ANKRD36C: variants seen among roughly 807,000 people sequenced by gnomAD.
ANKRD36C encodes ankyrin repeat domain 36C.
Under a neutral mutation model 276.4 loss-of-function variants are expected in ANKRD36C, and 61 were observed. The observed-to-expected ratio is 0.22, with a 90% CI of 0.18 to 0.27. The LOEUF (loss-of-function observed/expected upper bound fraction) is 0.27. Ranked by LOEUF, ANKRD36C falls within the 10% of genes least tolerant of loss-of-function variation. The pLI, the probability that ANKRD36C is intolerant of heterozygous loss-of-function variation, is 1.00. For synonymous variants in ANKRD36C, 483 were observed against 680.1 expected (o/e 0.71, Z 4.51); for missense variants, 1,447 against 2,032.3 (o/e 0.71, Z 5.54).
chr2:95,986,858 T>A (rs1218593961), exon 3 of ANKRD36C: 1 of 1,611,968 alleles, frequency 6.2e-7, no homozygotes, highest in Non-Finnish European at 8.5e-7. Flanking sequence ...AAGACATCCG[T>A]AATATTTGGA....
rs1675300598 is a variant in ANKRD36C at position 95,851,900 on chromosome 2, G to A, written c.5220-113C>T. ...ACACAAATTCTTAGCAATCACAAAA[G>A]TAGACGATTGGGCTACTGTGTCATT... On this transcript the variant is annotated intron_variant, in intron 65 of 66. Transcript: ENST00000456556. 7 of 1,175,860 alleles carry A rather than the reference G, an allele frequency of 6.0e-6. No individual in the cohort carries two copies. In the South Asian group the frequency reaches 7.9e-5, roughly 13 times the overall value. The allele number at this position is 1,175,860 out of a possible 1,614,324, so 72.8% of individuals were successfully genotyped here.
chr2:95,912,540 G>C, intron 40 of ANKRD36C, 105 bp from the exon 43 acceptor site: 1 of 1,571,144 alleles, frequency 6.4e-7, no homozygotes, highest in Non-Finnish European at 8.6e-7. Context: ...GCCTGTATTA[G>C]TGGAGGCTTT....
At chr2:95,989,699 T>A (rs1481697798) in intron 1 of ANKRD36C, among the ~76,000 whole-genome samples, 1 of 152,190 alleles carries the variant, frequency 6.6e-6, no homozygotes, top group Non-Finnish European at 1.5e-5. Context: ...ACATACATTT[T>A]TACAGTGTGA....
Position 95,855,942 on chromosome 2 carries a change from G to A in ANKRD36C, c.4319C>T (p.Thr1440Met), listed in dbSNP as rs756694609. The change falls in exon 63 of 67, where the codon ACG (threonine) becomes ATG (methionine). Residue 1440 changes from threonine to methionine, a missense_variant. By Grantham distance (81) the Thr-to-Met change is moderately conservative (BLOSUM62 -1). This residue lies in a region of ANKRD36C where 437 missense variants were observed against 641.0 expected (regional missense o/e 0.68). Transcript: ENST00000456556. ...AGAACGGAGCGTTGTGTTTTCATCC[G>A]TCAGAGCAGCAAGCTGTCCACTATA... 258 of 1,613,232 alleles carry A rather than the reference G, an allele frequency of 1.6e-4. 1 individual carries two copies. The highest frequency in any genetic ancestry group is 1.9e-4 in the Non-Finnish European group (229 of 1,179,608).
chr2:95,860,308 CAGAT>C (rs779687547), intron 60 of ANKRD36C, among the ~76,000 whole-genome samples: 12 of 150,138 alleles, frequency 8.0e-5, no homozygotes, highest in Non-Finnish European at 1.6e-4. Flanking sequence ...GTTATAAACT[CAGAT>C]AGGTCCTGTA....
downstream of ANKRD36C, among the ~76,000 whole-genome samples, chr2:95,850,305 T>C (rs1573713069): frequency 6.6e-6 from 1 of 152,386 alleles, no homozygotes; most frequent in Middle Eastern, 3.4e-3. Context: ...CTGTATGCTA[T>C]AATCTGAAAA....
Position 95,903,204 on chromosome 2 carries a change from T to G in ANKRD36C, c.2654-3868A>C. ...TGTATTAGCGTAGGCTTTGATGGCT[T>G]CTACTTTGTGTCTGGGGACTAGAAC... On this transcript the variant is annotated intron_variant, in intron 42 of 66. Transcript: ENST00000456556. 4 of 1,465,158 alleles carry G rather than the reference T, an allele frequency of 2.7e-6. 1 individual carries two copies. The highest frequency in any genetic ancestry group is 9.3e-7 in the Non-Finnish European group (1 of 1,076,632). The allele number at this position is 1,465,158 out of a possible 1,614,324, so 90.8% of individuals were successfully genotyped here. A position where few individuals can be genotyped will look rare whatever the true frequency, so the allele number is the denominator to read the frequency against.
rs766204795 is a variant in ANKRD36C, at chr2:95,889,764, A to C, written c.2959+35T>G. 4.5e-6 allele frequency: 7 copies of C among 1,555,518 alleles called. No individual in the cohort carries two copies. The African/African-American group carries it at 9.5e-5, about 21-fold the overall frequency. The stretch of plus-strand genomic sequence containing the variant: ...TGAAGAGAAGATCTCTTCTATCTTG[A>C]ACGAACATCCTATTAAATGTGTTTG... On this transcript the variant is annotated intron_variant, in intron 48 of 66. Coordinates refer to ENST00000456556, the Ensembl canonical transcript of ANKRD36C.
At chr2:95,892,071 A>G (rs757139733) in intron 44 of ANKRD36C, among the ~76,000 whole-genome samples, 10 of 151,584 alleles carry the variant, frequency 6.6e-5, no homozygotes, top group Non-Finnish European at 1.2e-4. Flanking sequence ...TAGTATTTCA[A>G]ACATGGTATG....
chr2:95,885,112 C>T lies in ANKRD36C; in HGVS notation c.3164-744G>A, dbSNP rs140814922. The stretch of plus-strand genomic sequence containing the variant: ...TTCTACAGAGTAAAACTGCTACAAG[C>T]GTTAGATATTAATATGTTTTACATT... On this transcript the variant is annotated intron_variant, in intron 52 of 66. Transcript: ENST00000456556. Among the ~76,000 whole-genome samples, 1,371 of 151,936 alleles carry T rather than the reference C, an allele frequency of 9.0e-3. 9 individuals are homozygous for T. Among genetic ancestry groups the T allele is most frequent in the Non-Finnish European group, 0.014 (951 of 67,912 alleles).
chr2:95,963,946 T>TATATATATATAA, intron 6 of ANKRD36C, among the ~76,000 whole-genome samples: 1 of 83,570 alleles, frequency 1.2e-5, no homozygotes, highest in African/African-American at 4.1e-5. Flanking sequence ...CATATATAAA[T>TATATATATATAA]ATATATATAT....
intron 36 of ANKRD36C, among the ~76,000 whole-genome samples, chr2:95,917,216 C>A (rs1357004965): frequency 6.6e-6 from 1 of 151,582 alleles, no homozygotes; most frequent in Non-Finnish European, 1.5e-5. Context: ...TGCTTTATCC[C>A]AATTCTAGCA....
intron 44 of ANKRD36C, among the ~76,000 whole-genome samples, chr2:95,892,064 T>A (rs190491297): frequency 6.6e-6 from 1 of 151,648 alleles, no homozygotes; most frequent in African/African-American, 2.4e-5. Context: ...ATAGTTTTAG[T>A]ATTTCAAACA....
intron 59 of ANKRD36C, among the ~76,000 whole-genome samples, chr2:95,872,843 C>T (rs1315741603): frequency 7.3e-5 from 11 of 151,634 alleles, no homozygotes; most frequent in Non-Finnish European, 1.2e-4. Context: ...ATATCACCAC[C>T]GATCCCACAG....
intron 59 of ANKRD36C, among the ~76,000 whole-genome samples, chr2:95,871,583 C>T (rs1003240368): frequency 1.2e-4 from 19 of 152,118 alleles, no homozygotes; most frequent in African/African-American, 3.9e-4. Flanking sequence ...TAAAGACCAT[C>T]GAGACTAGGA....
At chr2:95,979,437 T>C (rs1678872545) in intron 5 of ANKRD36C, among the ~76,000 whole-genome samples, 1 of 152,012 alleles carries the variant, frequency 6.6e-6, no homozygotes, top group Non-Finnish European at 1.5e-5. Context: ...ACTAACCAAC[T>C]TGAGACTCAG....
intron 6 of ANKRD36C, among the ~76,000 whole-genome samples, chr2:95,964,436 C>A (rs564241574): frequency 6.6e-6 from 1 of 151,936 alleles, no homozygotes; most frequent in African/African-American, 2.4e-5. Context: ...GTTCATAAAT[C>A]GAATAACCAT....
chr2:95,876,534 G>T, intron 58 of ANKRD36C, 22 bp from the exon 79 acceptor site: 2 of 1,599,510 alleles, frequency 1.3e-6, no homozygotes, highest in Non-Finnish European at 1.7e-6. Context: ...TATATATTTA[G>T]TTAAAATGAG....
intron 6 of ANKRD36C, among the ~76,000 whole-genome samples, chr2:95,966,883 T>C (rs1365421626): frequency 1.3e-5 from 2 of 152,178 alleles, no homozygotes; most frequent in African/African-American, 2.4e-5. Flanking sequence ...TTCAAATCCC[T>C]TGTGAGTTGT....
Sources: allele counts gnomAD v4.1 joint callset (sites outside exome capture counted in the v4.1 genomes callset), GRCh38; gene constraint gnomAD v4.1.1; regional missense constraint gnomAD v4.1.1; transcripts MANE v1.5; gene names NCBI Gene and HGNC (gene_info 2026-07-23, HGNC 2026-07-21).